Variants in MGAT4C observed in about 807,000 individuals in gnomAD.
MGAT4C encodes the protein alpha-1,3-mannosyl-glycoprotein 4-beta-N-acetylglucosaminyltransferase C.
A neutral mutation model predicts 40.1 loss-of-function variants in MGAT4C; 19 were observed. The ratio of observed to expected loss-of-function variants is 0.47; its 90% CI spans 0.33 to 0.70. The LOEUF is 0.70. Among genes scored for constraint, MGAT4C ranks in the 30% least tolerant of loss-of-function variants. The probability of loss-of-function intolerance (pLI) is 0.02; values close to 1 mark genes in which losing one functional copy is unlikely to be tolerated. For missense variants in MGAT4C, 491 were observed against 563.2 expected, an observed-to-expected ratio of 0.87 and a Z score of 1.30; for synonymous variants, 181 against 187.1, an observed-to-expected ratio of 0.97 and a Z score of 0.27.
chr12:86,587,750 G>C (rs1202271100), intron 2 of MGAT4C, among the ~76,000 whole-genome samples: 2 of 150,826 alleles, frequency 1.3e-5, no homozygotes, highest in Admixed American at 6.6e-5. Flanking sequence ...CTCTCTGTTT[G>C]TCTCTTATTG....
intron 1 of MGAT4C, among the ~76,000 whole-genome samples, chr12:86,162,622 C>A (rs778740410): frequency 3.3e-5 from 5 of 151,982 alleles, no homozygotes; most frequent in Non-Finnish European, 7.4e-5. Context: ...TACATGTACT[C>A]CCTGTATCTA....
At chr12:86,627,528 A>G (rs1962858046) in intron 2 of MGAT4C, among the ~76,000 whole-genome samples, 1 of 152,162 alleles carries the variant, frequency 6.6e-6, no homozygotes. Flanking sequence ...CAGAGGAAGG[A>G]TCAGGCAGCA....
At chr12:86,431,901 A>G (rs1412170725) in intron 3 of MGAT4C, among the ~76,000 whole-genome samples, 1 of 152,256 alleles carries the variant, frequency 6.6e-6, no homozygotes, top group Admixed American at 6.6e-5. Flanking sequence ...AAGATTGCTG[A>G]TATTTTAAGT....
Position 86,684,679 on chromosome 12 carries a change from C to T in MGAT4C, c.-229+42530G>A, listed in dbSNP as rs138918816. On this transcript the variant is annotated intron_variant, in intron 2 of 7. Transcript: ENST00000548651. Reference sequence around the variant, plus strand: ...TAAAAGCATTCATATTTCTCCACATCCTCTCCAGGATCTGTTGTTTCCTGA... The same window carrying T: ...TAAAAGCATTCATATTTCTCCACATTCTCTCCAGGATCTGTTGTTTCCTGA... Among the ~76,000 whole-genome samples, 1,319 of 152,304 alleles carry T rather than the reference C, an allele frequency of 8.7e-3. 7 individuals are homozygous for T. The highest frequency in any genetic ancestry group is 0.017 in the Middle Eastern group (5 of 294).
chr12:86,289,526 T>C (rs1953448596), intron 4 of MGAT4C, among the ~76,000 whole-genome samples: 1 of 152,196 alleles, frequency 6.6e-6, no homozygotes, highest in South Asian at 2.1e-4. Context: ...ATTAATTATT[T>C]CTATCCATGA....
rs1451513231 is a variant in MGAT4C, at chr12:85,979,271, A to G, written c.*18T>C. 1.3e-6 allele frequency: 2 copies of G among 1,555,914 alleles called. No homozygotes were observed. Among genetic ancestry groups the G allele is most frequent in the Admixed American group, 3.8e-5 (2 of 52,764 alleles). ...CAGGAAGAACTGCTTCAGAAACTGA[A>G]CATACTGATTTAATTGGCTAAGAAG... On this transcript the variant is annotated 3_prime_UTR_variant, in exon 5 of 5. Transcript: ENST00000611864.
At chr12:86,388,497 T>C (rs922349891) in intron 3 of MGAT4C, among the ~76,000 whole-genome samples, 3 of 151,996 alleles carry the variant, frequency 2.0e-5, no homozygotes, top group Non-Finnish European at 4.4e-5. Context: ...TTGTAAAGCA[T>C]TTCTTGGATA....
intron 4 of MGAT4C, among the ~76,000 whole-genome samples, chr12:86,325,371 A>G (rs1168959088): frequency 1.3e-5 from 2 of 152,114 alleles, no homozygotes; most frequent in African/African-American, 4.8e-5. Context: ...TAGTAGAGCT[A>G]CACTATGTAG....
chr12:85,981,098 T>A (rs566282810), intron 4 of MGAT4C, among the ~76,000 whole-genome samples: 3 of 152,282 alleles, frequency 2.0e-5, no homozygotes, highest in African/African-American at 7.2e-5. Flanking sequence ...AAAACTTTAA[T>A]GCTACATTGT....
chr12:86,518,108 T>G (rs950133780), intron 2 of MGAT4C, among the ~76,000 whole-genome samples: 14 of 152,100 alleles, frequency 9.2e-5, no homozygotes, highest in Non-Finnish European at 1.5e-4. Flanking sequence ...CTAAAAACTG[T>G]CAAATAAACC....
chr12:86,659,087 T>C (rs191970026), intron 2 of MGAT4C, among the ~76,000 whole-genome samples: 229 of 152,220 alleles, frequency 1.5e-3, no homozygotes, highest in Non-Finnish European at 2.4e-3. Context: ...TGTTATAGTA[T>C]AACCTAGCTT....
chr12:86,649,848 T>C (rs376376892), intron 2 of MGAT4C, among the ~76,000 whole-genome samples: 1 of 151,894 alleles, frequency 6.6e-6, no homozygotes, highest in African/African-American at 2.4e-5. Flanking sequence ...AGATTTTGAG[T>C]CATATATTTA....
chr12:86,721,602 T>G (rs1470123718), intron 2 of MGAT4C, among the ~76,000 whole-genome samples: 1 of 152,142 alleles, frequency 6.6e-6, no homozygotes, highest in Non-Finnish European at 1.5e-5. Context: ...AACTATCATT[T>G]ATCTGCCTTA....
intron 4 of MGAT4C, among the ~76,000 whole-genome samples, chr12:86,280,019 G>A (rs1019352137): frequency 6.6e-6 from 1 of 151,976 alleles, no homozygotes; most frequent in Non-Finnish European, 1.5e-5. Context: ...GTTCTTGAAT[G>A]TTTTAAGACT....
intron 1 of MGAT4C, among the ~76,000 whole-genome samples, chr12:86,053,012 T>C (rs370669073): frequency 2.0e-5 from 3 of 151,964 alleles, no homozygotes; most frequent in Non-Finnish European, 4.4e-5. Flanking sequence ...TACTGGAGTC[T>C]GGCTGCACTT....
intron 2 of MGAT4C, among the ~76,000 whole-genome samples, chr12:86,019,578 G>C (rs1001177497): frequency 6.6e-6 from 1 of 152,176 alleles, no homozygotes; most frequent in African/African-American, 2.4e-5. Flanking sequence ...AATACATGCT[G>C]TTTTGGTTAC....
intron 2 of MGAT4C, among the ~76,000 whole-genome samples, chr12:86,027,093 A>G (rs143918553): frequency 6.6e-6 from 1 of 151,954 alleles, no homozygotes; most frequent in South Asian, 2.1e-4. Flanking sequence ...ATTATTAGGA[A>G]ATCTTCAAGA....
chr12:86,246,629 T>A (rs568119746), intron 1 of MGAT4C, among the ~76,000 whole-genome samples: 85 of 152,320 alleles, frequency 5.6e-4, no homozygotes, highest in African/African-American at 2.0e-3. Flanking sequence ...AAATACGTTT[T>A]GTACAAGTTA....
At chr12:86,025,289 T>C (rs1048304555) in intron 2 of MGAT4C, among the ~76,000 whole-genome samples, 3 of 151,730 alleles carry the variant, frequency 2.0e-5, no homozygotes, top group Non-Finnish European at 4.4e-5. Context: ...ATTTCAACAG[T>C]GAAAATCAAT....
Sources: allele counts gnomAD v4.1 joint callset (sites outside exome capture counted in the v4.1 genomes callset), GRCh38; gene constraint gnomAD v4.1.1; transcripts MANE v1.5; gene names NCBI Gene and HGNC (gene_info 2026-07-23, HGNC 2026-07-21).